ZDHHC5: variants seen among roughly 807,000 people sequenced by gnomAD.
The protein encoded by ZDHHC5 is palmitoyltransferase ZDHHC5.
In ZDHHC5, 22 loss-of-function variants were observed where a neutral mutation model predicts 70.0. The ratio of observed to expected loss-of-function variants is 0.31; its 90% confidence interval spans 0.22 to 0.45. ZDHHC5 has a LOEUF of 0.45. Ranked by LOEUF, ZDHHC5 falls within the 20% of genes least tolerant of loss-of-function variation. The probability of loss-of-function intolerance (pLI) is 1.00; values close to 1 mark genes in which losing one functional copy is unlikely to be tolerated. For missense variants in ZDHHC5, 746 were observed against 926.9 expected (o/e 0.80, Z 2.53); for synonymous variants, 313 against 347.8 (o/e 0.90, Z 1.11).
rs1479520642 is a variant in ZDHHC5, at chr11:57,692,651, A to C, written c.701A>C (p.Asn234Thr). ...CGGGGAGGTGTGAACCCCTTCACCAATGGCTGCTGTAACAATGTCAGCCGT... is the reference window on the plus strand; with the variant it reads ...CGGGGAGGTGTGAACCCCTTCACCACTGGCTGCTGTAACAATGTCAGCCGT... ...KFRGGVNPFT[N>T]GCCNNVSRVL... Residue 234 changes from asparagine (N) to threonine (T), a missense_variant, in exon 7 of 12, where the codon AAT (asparagine) becomes ACT (threonine). Around this residue, in one of 6 missense-constraint regions of ZDHHC5, gnomAD observed 114 missense variants for 179.3 expected, o/e 0.64. Coordinates refer to ENST00000287169, the MANE Select transcript of ZDHHC5 (RefSeq NM_015457.3). 1 of 1,614,136 alleles carries C rather than the reference A, an allele frequency of 6.2e-7. No homozygotes were observed. The highest frequency in any genetic ancestry group is 1.1e-5 in the South Asian group (1 of 91,080).
intron 1 of ZDHHC5, 79 bp downstream of exon 1, chr11:57,668,266 G>C: frequency 3.0e-6 from 1 of 336,422 alleles, no homozygotes; most frequent in Non-Finnish European, 5.4e-6. Flanking sequence ...GACCTCTAGG[G>C]AAGGGGGACC....
chr11:57,692,732 CCA>C, intron 7 of ZDHHC5, 30 bp downstream of exon 7: 1 of 1,610,824 alleles, frequency 6.2e-7, no homozygotes, highest in South Asian at 1.1e-5. Context: ...CTAGTGTTTA[CCA>C]TTGGTCAGAA....
intron 10 of ZDHHC5, among the ~76,000 whole-genome samples, chr11:57,698,101 C>A (rs1227434596): frequency 2.1e-5 from 3 of 142,522 alleles, no homozygotes; most frequent in African/African-American, 8.8e-5. Flanking sequence ...CACCATCACG[C>A]TCCAGCCTGG....
In ZDHHC5 at chr11:57,690,449, A is replaced by G; in HGVS notation, c.660+12A>G. 1 of 1,613,814 alleles carries G rather than the reference A, an allele frequency of 6.2e-7. No individual in the cohort carries two copies. Among genetic ancestry groups the G allele is most frequent in the Non-Finnish European group, 8.5e-7 (1 of 1,179,968 alleles). On this transcript the variant is annotated intron_variant, in intron 6 of 11. Coordinates refer to ENST00000287169, the MANE Select transcript of ZDHHC5 (RefSeq NM_015457.3). ...CAACCAATGAACAGGTATGGAGAAAAGTGACGAGAGACCCCTGAAGAGCAG... is the reference window on the plus strand; with the variant it reads ...CAACCAATGAACAGGTATGGAGAAAGGTGACGAGAGACCCCTGAAGAGCAG...
intron 1 of ZDHHC5, among the ~76,000 whole-genome samples, chr11:57,669,720 A>G (rs1403858269): frequency 6.6e-6 from 1 of 152,178 alleles, no homozygotes; most frequent in Non-Finnish European, 1.5e-5. Flanking sequence ...CGGCCTCCCA[A>G]AGTGCTGGGA....
intron 3 of ZDHHC5, among the ~76,000 whole-genome samples, chr11:57,685,840 C>A (rs1946202057): frequency 1.3e-5 from 2 of 151,856 alleles, no homozygotes; most frequent in Admixed American, 1.3e-4. Context: ...CAAGCCTGAC[C>A]AACATGGAGA....
At chr11:57,679,701 A>G (rs1427935847) in intron 2 of ZDHHC5, among the ~76,000 whole-genome samples, 6 of 152,120 alleles carry the variant, frequency 3.9e-5, no homozygotes, top group African/African-American at 1.4e-4. Context: ...CAACAGATTC[A>G]GACAGGCCAC....
intron 9 of ZDHHC5, 88 bp from the exon 10 acceptor site, chr11:57,696,673 C>T: frequency 1.7e-6 from 2 of 1,209,110 alleles, no homozygotes; most frequent in Non-Finnish European, 2.4e-6. Flanking sequence ...TGCCACTGCA[C>T]TCTAGCTTGG....
chr11:57,692,831 C>A, intron 7 of ZDHHC5, 129 bp downstream of exon 7: 3 of 852,664 alleles, frequency 3.5e-6, no homozygotes, highest in South Asian at 3.5e-5. Flanking sequence ...ATGTTAAGTA[C>A]CCACTCTATC....
Position 57,698,745 on chromosome 11 carries a change from G to A in ZDHHC5, c.1309G>A (p.Gly437Ser), listed in dbSNP as rs1946391361. 1 of 1,614,082 alleles carries A rather than the reference G, an allele frequency of 6.2e-7. No homozygotes were observed. The highest frequency in any genetic ancestry group is 1.3e-5 in the African/African-American group (1 of 74,936). ...CAGCCTCAAGTCAGCCCAGGGCACA[G>A]GCTTTGAGCTGGGCCAGTTGCAATC... ...SSSLKSAQGTGFELGQLQSIR... is the reference protein window; with the variant it reads ...SSSLKSAQGTSFELGQLQSIR... The change falls in exon 11 of 12, where the codon GGC becomes AGC. Residue 437 changes from glycine (G) to serine (S), a missense_variant. By Grantham distance (56) the Gly-to-Ser change is moderately conservative. This residue lies in a region of ZDHHC5 where 6 missense variants were observed against 21.6 expected (regional missense o/e 0.28). Coordinates refer to ENST00000287169, the MANE Select transcript of ZDHHC5 (RefSeq NM_015457.3).
rs983325336 is a variant in ZDHHC5 at position 57,700,163 on chromosome 11, G to T, written c.*132G>T. On this transcript the variant is annotated 3_prime_UTR_variant, in exon 12 of 12. Coordinates refer to ENST00000287169, the MANE Select transcript of ZDHHC5 (RefSeq NM_015457.3). ...TAAACCACCGATTCCAAGAGGATGA[G>T]GAGTGTTTTCTAAAATGCAGTAGGC... The T allele has an allele frequency of 1.3e-5, 16 of 1,251,350 alleles. 1 individual carries two copies. The East Asian group carries it at 4.3e-4, about 34-fold the overall frequency. The allele number at this position is 1,251,350 out of a possible 1,614,324, so 77.5% of individuals were successfully genotyped here.
chr11:57,675,299 A>G (rs776987266), intron 2 of ZDHHC5, among the ~76,000 whole-genome samples: 1 of 152,198 alleles, frequency 6.6e-6, no homozygotes, highest in Non-Finnish European at 1.5e-5. Flanking sequence ...TCTTCTTGAG[A>G]TAGAGCAAGC....
rs1946024226 is a variant in ZDHHC5, at chr11:57,672,887, T to C, written c.-204T>C. 8 of 526,416 alleles carry C rather than the reference T, an allele frequency of 1.5e-5. No homozygotes were observed. In the South Asian group the frequency reaches 1.7e-4, roughly 11 times the overall value. The allele number at this position is 526,416 out of a possible 1,614,324, so 32.6% of individuals were successfully genotyped here. A position where few individuals can be genotyped will look rare whatever the true frequency, so the allele number is the denominator to read the frequency against. On this transcript the variant is annotated 5_prime_UTR_variant, in exon 2 of 12. Transcript: ENST00000287169. ...GTTATTCATCATTTGGAATCACCTT[T>C]CCCCCTCCCATGTGCTTTCCTTCAT...
At chr11:57,678,376 C>A (rs539536596) in intron 2 of ZDHHC5, among the ~76,000 whole-genome samples, 60 of 152,170 alleles carry the variant, frequency 3.9e-4, no homozygotes, top group Middle Eastern at 3.4e-3. Flanking sequence ...CGAGACCATC[C>A]TGGCTAACAC....
intron 6 of ZDHHC5, among the ~76,000 whole-genome samples, chr11:57,692,149 T>A (rs774643548): frequency 7.2e-5 from 11 of 152,160 alleles, no homozygotes; most frequent in Non-Finnish European, 1.5e-4. Flanking sequence ...CCCAAGTAGC[T>A]GGGATTGCAG....
chr11:57,675,430 T>G (rs923894846), intron 2 of ZDHHC5, among the ~76,000 whole-genome samples: 6 of 152,228 alleles, frequency 3.9e-5, no homozygotes, highest in African/African-American at 1.4e-4. Context: ...TGAAGCTGTT[T>G]AACCTACTTT....
At chr11:57,688,051 G>A (rs1433818789) in intron 3 of ZDHHC5, among the ~76,000 whole-genome samples, 3 of 152,100 alleles carry the variant, frequency 2.0e-5, no homozygotes, top group East Asian at 1.9e-4. Flanking sequence ...GATTACAGGC[G>A]TGAGCCACCA....
chr11:57,681,763 C>T (rs1443854617), intron 2 of ZDHHC5: 1 of 152,156 alleles, frequency 6.6e-6, no homozygotes, highest in African/African-American at 2.4e-5. Flanking sequence ...AGTCTCTATC[C>T]TCCCCCATTC....
intron 6 of ZDHHC5, 106 bp downstream of exon 6, chr11:57,690,543 CT>C: frequency 8.5e-7 from 1 of 1,177,074 alleles, no homozygotes; most frequent in East Asian, 2.3e-5. Flanking sequence ...TTAATGAATA[CT>C]TTTCATGATT....
Sources: gnomAD v4.1 joint callset for allele counts (sites outside exome capture counted in the v4.1 genomes callset) on GRCh38, gnomAD v4.1.1 for gene constraint, gnomAD v4.1.1 regional missense constraint, MANE v1.5 for transcripts, NCBI Gene and HGNC (gene_info 2026-07-23, HGNC 2026-07-21) for gene names.